Variants in SPATA24 observed in about 807,000 individuals in gnomAD.
The protein encoded by SPATA24 is spermatogenesis associated 24, also known as spermatogenesis-associated protein 24.
Under a neutral mutation model 28.9 loss-of-function variants are expected in SPATA24, and 21 were observed. That is an observed-to-expected ratio of 0.73 (90% CI 0.52 to 1.05). The LOEUF (loss-of-function observed/expected upper bound fraction) is 1.05. Among genes scored for constraint, SPATA24 ranks in the 50% least tolerant of loss-of-function variants. The pLI is 0.00. For synonymous variants in SPATA24, 76 were observed against 89.9 expected (o/e 0.85, Z 0.88); for missense variants, 215 against 242.9 (o/e 0.88, Z 0.76).
downstream of SPATA24, chr5:139,396,068 T>C: frequency 1.6e-6 from 1 of 610,274 alleles, no homozygotes; most frequent in Non-Finnish European, 2.1e-6. Flanking sequence ...GGTCCTGCTA[T>C]GACTCAGGCC....
rs138900287 is a variant in SPATA24, at chr5:139,397,068, A to G, written c.461T>C (p.Val154Ala). Residue 154 changes from valine (V) to alanine (A), a missense_variant, in exon 5 of 6, where the codon GTT becomes GCT. By Grantham distance (64) the Val-to-Ala change is moderately conservative (BLOSUM62 0). Transcript: ENST00000450845. ...KENEIKELQQ[V>A]ISQQKQIFRN... ...GAAGATCTGTTTCTGCTGGCTGATA[A>G]CTTGCTGCAACTCTTTAATCTCATT... 2,584 of 1,551,744 alleles carry G rather than the reference A, an allele frequency of 1.7e-3. 37 individuals carry two copies. In the African/African-American group the frequency reaches 0.029, roughly 18 times the overall value.
chr5:139,402,405 A>AT (rs763158367), intron 2 of SPATA24, among the ~76,000 whole-genome samples: 5 of 150,510 alleles, frequency 3.3e-5, no homozygotes, highest in East Asian at 2.0e-4. Flanking sequence ...ATGTATATAT[A>AT]TATTTTTTTG....
At chr5:139,403,858 G>A in intron 1 of SPATA24, 86 bp downstream of exon 1, 1 of 1,172,026 alleles carries the variant, frequency 8.5e-7, no homozygotes, top group Non-Finnish European at 1.2e-6. Context: ...TCTAGCCACG[G>A]CCCCCGCATC....
At chr5:139,398,413 A>AC (rs1304066928) in intron 4 of SPATA24, among the ~76,000 whole-genome samples, 2 of 151,050 alleles carry the variant, frequency 1.3e-5, no homozygotes, top group South Asian at 2.1e-4. Flanking sequence ...CTAAAAAAAA[A>AC]AAAAACAAAA....
Position 139,401,664 on chromosome 5 carries a change from G to C in SPATA24, c.385+91C>G, listed in dbSNP as rs374279730. On this transcript the variant is annotated intron_variant, in intron 4 of 5. Coordinates refer to ENST00000450845, the MANE Select transcript of SPATA24 (RefSeq NM_194296.2). ...TATCCTCAGCTGGGGACAGGTGTTA[G>C]AGTGAAACCCTGCCTTTGACACAGG... 14 of 1,367,036 alleles carry C rather than the reference G, an allele frequency of 1.0e-5. No individual in the cohort carries two copies. In the East Asian group the frequency reaches 3.5e-4, roughly 34 times the overall value. The allele number at this position is 1,367,036 out of a possible 1,614,324, so 84.7% of individuals were successfully genotyped here.
downstream of SPATA24, chr5:139,396,147 C>T (rs1305751604): frequency 9.1e-6 from 9 of 984,796 alleles, no homozygotes; most frequent in Non-Finnish European, 9.6e-6. Flanking sequence ...CCAGGACAGG[C>T]TACACTGGGC....
downstream of SPATA24, chr5:139,395,317 G>T: frequency 2.5e-6 from 1 of 404,746 alleles, no homozygotes. Context: ...ACCTGGGGTG[G>T]GCTCCAAGCT....
At chr5:139,403,125 C>T (rs1287272699) in intron 1 of SPATA24, among the ~76,000 whole-genome samples, 1 of 152,172 alleles carries the variant, frequency 6.6e-6, no homozygotes, top group Non-Finnish European at 1.5e-5. Context: ...AGGTCAGCTG[C>T]CAAGAGGAAG....
At position 139,401,815 on chromosome 5, in the gene SPATA24, C is replaced by T. The variant is rs1263341226; in HGVS notation, c.325G>A (p.Val109Ile). 6.4e-7 allele frequency: 1 copy of T among 1,550,798 alleles called. No homozygotes were observed. Among genetic ancestry groups the T allele is most frequent in the Non-Finnish European group, 8.7e-7 (1 of 1,146,354 alleles). The change falls in exon 4 of 6, where the codon GTC becomes ATC. Residue 109 changes from valine to isoleucine, a missense_variant. Physicochemically the swap from Val to Ile is conservative, Grantham distance 29 (BLOSUM62 3). Transcript: ENST00000450845. Reference protein sequence around the residue: ...KLAFEKALSSVKSKVLQESSK... With the variant: ...KLAFEKALSSIKSKVLQESSK... Reference sequence around the variant, plus strand: ...GACTCCTGAAGGACTTTGCTCTTGACACTGGAGAGCCTGGGTGGGGAAGAT... The same window carrying T: ...GACTCCTGAAGGACTTTGCTCTTGATACTGGAGAGCCTGGGTGGGGAAGAT...
At chr5:139,400,302 CT>C (rs55789939) in intron 4 of SPATA24, among the ~76,000 whole-genome samples, 6,733 of 125,066 alleles carry the variant, frequency 0.054, 192 homozygotes, top group African/African-American at 0.079. Flanking sequence ...TTCATACCTA[CT>C]TTTTTTTTTT....
downstream of SPATA24, chr5:139,395,478 G>A: frequency 5.4e-6 from 1 of 186,816 alleles, no homozygotes. Context: ...AGTTCAGGCT[G>A]TGAGCGGGTG....
downstream of SPATA24, chr5:139,393,117 G>A: frequency 6.5e-7 from 1 of 1,528,384 alleles, no homozygotes; most frequent in Non-Finnish European, 8.8e-7. Context: ...CCTCCCCGCA[G>A]GGGTCGGCAG....
At chr5:139,395,022 G>A, downstream of SPATA24, 10 of 1,448,030 alleles carry the variant, frequency 6.9e-6, no homozygotes, top group South Asian at 1.4e-5. Context: ...GCCGCGCGGG[G>A]GCCGTGGGCA....
chr5:139,392,939 C>T (rs1318406713), downstream of SPATA24: 6 of 1,516,432 alleles, frequency 4.0e-6, no homozygotes, highest in South Asian at 6.2e-5. The surrounding 1 kb of genome is among the most constrained non-coding windows in gnomAD (Gnocchi z 5.8). Context: ...CGCCGCAGGA[C>T]CCCGTTGGGC....
chr5:139,404,078 T>C lies in SPATA24; in HGVS notation c.-18A>G, dbSNP rs1300808982. ...GTCGCCATCTTCCGCCCCCGCCAGC[T>C]AGTTGGAAATGGCTGCCTCGGGGGT... On this transcript the variant is annotated 5_prime_UTR_variant, in exon 1 of 6. Coordinates refer to ENST00000450845, the MANE Select transcript of SPATA24 (RefSeq NM_194296.2). 2 of 1,542,772 alleles carry C rather than the reference T, an allele frequency of 1.3e-6. No homozygotes were observed. Among genetic ancestry groups the C allele is most frequent in the Non-Finnish European group, 8.8e-7 (1 of 1,139,492 alleles).
rs1758833525 is a variant in SPATA24, at chr5:139,401,956, T to C, written c.273A>G (p.Leu91=). 1 of 1,551,834 alleles carries C rather than the reference T, an allele frequency of 6.4e-7. No individual in the cohort carries two copies. The highest frequency in any genetic ancestry group is 8.7e-7 in the Non-Finnish European group (1 of 1,147,030). Residue 91 remains leucine, a synonymous_variant, in exon 3 of 6, where the codon CTA becomes CTG. Coordinates refer to ENST00000450845, the MANE Select transcript of SPATA24 (RefSeq NM_194296.2). ...GCTTCTCTTTCTCCAGCTGCTTGGA[T>C]AGCACCTCTACCTCTCCGAGGGCAA... ...LQFALGEVEV[L]SKQLEKEKLA... is the part of the protein sequence containing the mutation.
intron 2 of SPATA24, among the ~76,000 whole-genome samples, 176 bp from the exon 3 acceptor site, chr5:139,402,221 CTT>C (rs951543387): frequency 7.0e-6 from 1 of 143,698 alleles, no homozygotes; most frequent in Non-Finnish European, 1.5e-5. Flanking sequence ...TTTCTTTTTT[CTT>C]TTTTTTTTTA....
At chr5:139,399,485 C>T (rs1376579264) in intron 4 of SPATA24, among the ~76,000 whole-genome samples, 1 of 152,104 alleles carries the variant, frequency 6.6e-6, no homozygotes, top group Admixed American at 6.6e-5. Flanking sequence ...ATGAGTTCAC[C>T]GGGTCATGGG....
At chr5:139,394,262 TG>T, downstream of SPATA24, 1 of 1,544,758 alleles carries the variant, frequency 6.5e-7, no homozygotes, top group Non-Finnish European at 8.7e-7. Flanking sequence ...GACCGCCCCG[TG>T]GACCCGAAGG....
Sources: gnomAD v4.1 joint callset for allele counts (sites outside exome capture counted in the v4.1 genomes callset) on GRCh38, gnomAD v4.1.1 for gene constraint, Gnocchi (gnomAD v3.1) non-coding constraint, MANE v1.5 for transcripts, NCBI Gene and HGNC (gene_info 2026-07-23, HGNC 2026-07-21) for gene names.